The following MYCBP2 variants were observed in gnomAD, a reference collection of about 807,000 sequenced individuals.
MYCBP2 encodes MYC binding protein 2.
Under a neutral mutation model 525.3 loss-of-function variants are expected in MYCBP2, and 120 were observed. That is an observed-to-expected ratio of 0.23 (90% confidence interval 0.20 to 0.27). The LOEUF is 0.27. Among genes scored for constraint, MYCBP2 ranks in the 10% least tolerant of loss-of-function variants. The pLI, the probability that MYCBP2 is intolerant of heterozygous loss-of-function variation, is 1.00. For missense variants in MYCBP2, 4,149 were observed against 5,657.1 expected, an observed-to-expected ratio of 0.73 and a Z score of 8.55; for synonymous variants, 1,894 against 1,955.8, an observed-to-expected ratio of 0.97 and a Z score of 0.83.
chr13:77,072,300 G>GAAAAAAAAAAAAAAAAAAA (rs56238720), intron 68 of MYCBP2, among the ~76,000 whole-genome samples: 1 of 121,196 alleles, frequency 8.3e-6, no homozygotes, highest in Non-Finnish European at 1.7e-5. Flanking sequence ...CAAAAAAAAA[G>GAAAAAAAAAAAAAAAAAAA]AAAAAAAAAA....
intron 15 of MYCBP2, among the ~76,000 whole-genome samples, chr13:77,250,764 C>T (rs567389022): frequency 1.7e-4 from 26 of 152,140 alleles, no homozygotes; most frequent in African/African-American, 5.5e-4. Flanking sequence ...ATCAAGTACT[C>T]TTTATGATAT....
Position 77,271,749 on chromosome 13 carries a change from G to C in MYCBP2, c.946-1211C>G, listed in dbSNP as rs2074927976. Among the ~76,000 whole-genome samples, 3 of 152,158 alleles carry C rather than the reference G, an allele frequency of 2.0e-5. No individual in the cohort carries two copies. The South Asian group carries it at 6.2e-4, about 32-fold the overall frequency. On this transcript the variant is annotated intron_variant, in intron 5 of 82. Transcript: ENST00000544440. The stretch of plus-strand genomic sequence containing the variant: ...ATTGTGAGGTTTCTCCAGCCATGTG[G>C]AACTATAAATCCATTAAACCTCTTT...
At chr13:77,150,083 G>C (rs533074639) in intron 47 of MYCBP2, among the ~76,000 whole-genome samples, 1 of 152,080 alleles carries the variant, frequency 6.6e-6, no homozygotes, top group Non-Finnish European at 1.5e-5. Context: ...TTGATAATTC[G>C]GATTAACATT....
At chr13:77,139,990 A>C in intron 51 of MYCBP2, 57 bp downstream of exon 51, 1 of 1,208,180 alleles carries the variant, frequency 8.3e-7, no homozygotes, top group Non-Finnish European at 1.2e-6. Flanking sequence ...TTATTATGCA[A>C]ACAATGCAAA....
chr13:77,097,846 G>A lies in MYCBP2; in HGVS notation c.9308C>T (p.Ala3103Val). Residue 3103 changes from alanine (A) to valine (V), a missense_variant, in exon 56 of 83, where the codon GCA becomes GTA. Physicochemically the swap from Ala to Val is moderately conservative, Grantham distance 64 (BLOSUM62 0). Around this residue, in one of 21 missense-constraint regions of MYCBP2, gnomAD observed 653 missense variants for 744.7 expected, o/e 0.88. Coordinates refer to ENST00000544440, the MANE Select transcript of MYCBP2 (RefSeq NM_015057.5). ...CTTAGATATATCTGGTCCATGGGGT[G>A]CAATATTAAACATATTCAGTGCAGA... is the stretch of plus-strand genomic sequence containing the variant. Reference protein sequence around the residue: ...ISSALNMFNIAPHGPDISKMG... With the variant: ...ISSALNMFNIVPHGPDISKMG... 1.9e-6 allele frequency: 3 copies of A among 1,613,574 alleles called. No individual in the cohort carries two copies. Among genetic ancestry groups the A allele is most frequent in the South Asian group, 1.1e-5 (1 of 91,064 alleles).
At position 77,169,776 on chromosome 13, in the gene MYCBP2, A is replaced by T. The variant is rs1481269030; in HGVS notation, c.5795-62T>A. On this transcript the variant is annotated intron_variant, in intron 38 of 82. Coordinates refer to ENST00000544440, the MANE Select transcript of MYCBP2 (RefSeq NM_015057.5). Reference sequence around the variant, plus strand: ...AGAAGGTAATTTCATTGTACTGCATACATGCTGTACTAAATCTATATTCTG... The same window carrying T: ...AGAAGGTAATTTCATTGTACTGCATTCATGCTGTACTAAATCTATATTCTG... The T allele has an allele frequency of 6.3e-6, 8 of 1,272,634 alleles. No individual in the cohort carries two copies. The Admixed American group carries it at 1.4e-4, about 23-fold the overall frequency. The allele number at this position is 1,272,634 out of a possible 1,614,324, so 78.8% of individuals were successfully genotyped here.
chr13:77,206,342 A>G (rs553847025), intron 24 of MYCBP2, among the ~76,000 whole-genome samples: 1 of 150,474 alleles, frequency 6.6e-6, no homozygotes, highest in Non-Finnish European at 1.5e-5. Flanking sequence ...CATAAATTAA[A>G]TATTATATAC....
intron 55 of MYCBP2, among the ~76,000 whole-genome samples, chr13:77,112,395 G>A (rs1386142718): frequency 7.1e-6 from 1 of 141,304 alleles, no homozygotes; most frequent in Non-Finnish European, 1.5e-5. Flanking sequence ...ATTTTATATA[G>A]AATGTATTTT....
chr13:77,185,635 T>A (rs2060647681), intron 31 of MYCBP2, among the ~76,000 whole-genome samples: 1 of 152,232 alleles, frequency 6.6e-6, no homozygotes, highest in Admixed American at 6.5e-5. Flanking sequence ...AAAATTAAAC[T>A]TTATTAGATT....
intron 7 of MYCBP2, 91 bp from the exon 8 acceptor site, chr13:77,268,028 G>A: frequency 2.3e-5 from 16 of 704,970 alleles, no homozygotes; most frequent in East Asian, 1.4e-4. Flanking sequence ...AGGTTTTTGA[G>A]GTACAATAAT....
chr13:77,103,073 T>C (rs776669863), intron 55 of MYCBP2: 74 of 388,048 alleles, frequency 1.9e-4, no homozygotes, highest in Non-Finnish European at 2.6e-4. Flanking sequence ...CAAACATATA[T>C]AAATGTAAAT....
In MYCBP2 at chr13:77,121,480, T is replaced by A. The variant is rs1351678228; in HGVS notation, c.8033A>T (p.Asp2678Val). Residue 2678 changes from aspartate to valine, a missense_variant, in exon 55 of 83, where the codon GAT (aspartate) becomes GTT (valine). Coordinates refer to ENST00000544440, the MANE Select transcript of MYCBP2 (RefSeq NM_015057.5). ...TGGAGGAGGAGTTTGAGAATTCTGA[T>A]CCAGAAGAGCTTGTTCTACAATAAA... ...LRHEDEQALL[D>V]QNSQTPPPSP... The A allele has an allele frequency of 1.9e-6, 3 of 1,580,424 alleles. No individual in the cohort carries two copies. The highest frequency in any genetic ancestry group is 1.7e-5 in the Admixed American group (1 of 59,182).
intron 15 of MYCBP2, among the ~76,000 whole-genome samples, chr13:77,250,011 CA>C (rs1236220213): frequency 6.6e-6 from 1 of 151,980 alleles, no homozygotes; most frequent in East Asian, 1.9e-4. Context: ...ATCACGAGGT[CA>C]GGAGATCGAG....
chr13:77,286,984 A>T (rs2076914751), intron 3 of MYCBP2, among the ~76,000 whole-genome samples: 1 of 147,620 alleles, frequency 6.8e-6, no homozygotes, highest in Admixed American at 6.8e-5. Flanking sequence ...TCCCGGGTTC[A>T]CGCCATTCTC....
Position 77,326,597 on chromosome 13 carries a change from G to C in MYCBP2, c.179C>G (p.Ser60Cys). The C allele has an allele frequency of 6.3e-7, 1 of 1,588,044 alleles. No homozygotes were observed. The highest frequency in any genetic ancestry group is 1.1e-5 in the South Asian group (1 of 89,032). ...CAGCAGCAGCTGGTAGTGACCCCGG[G>C]AGTCCGCGGCGGGTAGCCCCAGCCC... Reference protein sequence around the residue: ...GLGLGLPAADSRGHYQLLLSG... With the variant: ...GLGLGLPAADCRGHYQLLLSG... Residue 60 changes from serine (S) to cysteine (C), a missense_variant, in exon 1 of 83, where the codon TCC (serine) becomes TGC (cysteine). Transcript: ENST00000544440. This position sits in a 1 kb window ranked among gnomAD's most constrained non-coding sequence, Gnocchi z 4.2.
At chr13:77,088,372 T>C (rs1419328168) in intron 61 of MYCBP2, among the ~76,000 whole-genome samples, 1 of 152,136 alleles carries the variant, frequency 6.6e-6, no homozygotes, top group Non-Finnish European at 1.5e-5. Flanking sequence ...GTAGGTTATT[T>C]ATCACATTTG....
intron 62 of MYCBP2, among the ~76,000 whole-genome samples, chr13:77,086,001 G>T (rs2044194178): frequency 6.6e-6 from 1 of 151,944 alleles, no homozygotes; most frequent in South Asian, 2.1e-4. Flanking sequence ...TTTTTTTAAG[G>T]TTACAGTATT....
At chr13:77,183,382 G>GT (rs1233135272) in intron 32 of MYCBP2, among the ~76,000 whole-genome samples, 1 of 151,938 alleles carries the variant, frequency 6.6e-6, no homozygotes, top group Non-Finnish European at 1.5e-5. Flanking sequence ...TTGTGGGAAA[G>GT]TTTTTGATAA....
intron 30 of MYCBP2, among the ~76,000 whole-genome samples, chr13:77,187,857 C>T (rs980935936): frequency 1.3e-5 from 2 of 151,664 alleles, no homozygotes; most frequent in Admixed American, 6.6e-5. Flanking sequence ...CCAGCCTGTT[C>T]GAGGTCAGGG....
Sources: gnomAD v4.1 joint callset for allele counts (sites outside exome capture counted in the v4.1 genomes callset) on GRCh38, gnomAD v4.1.1 for gene constraint, gnomAD v4.1.1 regional missense constraint, Gnocchi (gnomAD v3.1) non-coding constraint, MANE v1.5 for transcripts, NCBI Gene and HGNC (gene_info 2026-07-23, HGNC 2026-07-21) for gene names.